ABCA1: variants seen among roughly 807,000 people sequenced by gnomAD.
The protein encoded by ABCA1 is phospholipid-transporting ATPase ABCA1.
A neutral mutation model predicts 262.5 loss-of-function variants in ABCA1; 133 were observed. The ratio of observed to expected loss-of-function variants is 0.51; its 90% CI spans 0.44 to 0.59. The LOEUF (loss-of-function observed/expected upper bound fraction) is 0.59. ABCA1 is among the 20% of genes least tolerant of loss of function. The pLI, the probability that ABCA1 is intolerant of heterozygous loss-of-function variation, is 0.00. For synonymous variants in ABCA1, 1,022 were observed against 1,043.5 expected, an observed-to-expected ratio of 0.98 and a Z score of 0.40; for missense variants, 2,452 against 2,777.5, an observed-to-expected ratio of 0.88 and a Z score of 2.63.
intron 1 of ABCA1, among the ~76,000 whole-genome samples, chr9:104,922,870 C>A (rs542824342): frequency 6.6e-6 from 1 of 152,112 alleles, no homozygotes; most frequent in African/African-American, 2.4e-5. Flanking sequence ...GCACCCACCA[C>A]CACGCCCAGC....
intron 2 of ABCA1, among the ~76,000 whole-genome samples, chr9:104,902,722 A>T (rs1840764589): frequency 6.6e-6 from 1 of 152,220 alleles, no homozygotes; most frequent in African/African-American, 2.4e-5. Flanking sequence ...TGCAAGCATT[A>T]TTCTAGTTTG....
chr9:104,895,851 T>C (rs1218744222), intron 2 of ABCA1, among the ~76,000 whole-genome samples: 1 of 152,150 alleles, frequency 6.6e-6, no homozygotes, highest in African/African-American at 2.4e-5. Context: ...TTAGCCACGT[T>C]AATTCAAGGT....
chr9:104,834,571 T>C (rs1410610728), intron 11 of ABCA1, among the ~76,000 whole-genome samples: 2 of 148,572 alleles, frequency 1.3e-5, no homozygotes, highest in African/African-American at 4.9e-5. Context: ...CTGAACAACA[T>C]GGCCAAAAAG....
chr9:104,874,943 G>GGAAGTGA (rs1228573287), intron 5 of ABCA1, among the ~76,000 whole-genome samples: 45 of 151,084 alleles, frequency 3.0e-4, no homozygotes, highest in African/African-American at 1.1e-3. Context: ...GCCCCTTCTG[G>GGAAGTGA]GAAGTGAGGA....
intron 5 of ABCA1, among the ~76,000 whole-genome samples, chr9:104,879,418 G>T (rs968762105): frequency 3.9e-5 from 6 of 152,180 alleles, no homozygotes; most frequent in African/African-American, 1.4e-4. Context: ...TCAAGTCTTT[G>T]TCCCACAGTT....
chr9:104,798,276 C>T, intron 37 of ABCA1, 145 bp downstream of exon 37: 1 of 951,946 alleles, frequency 1.1e-6, no homozygotes, highest in Non-Finnish European at 1.6e-6. Flanking sequence ...TGAAAGTGAT[C>T]ACCTGCCTCT....
intron 8 of ABCA1, among the ~76,000 whole-genome samples, chr9:104,843,204 C>A (rs1834542151): frequency 6.6e-6 from 1 of 152,208 alleles, no homozygotes; most frequent in Non-Finnish European, 1.5e-5. Context: ...TTCTGTCTCT[C>A]ACCCTATACG....
intron 12 of ABCA1, 21 bp downstream of exon 12, chr9:104,832,553 T>A (rs751160873): frequency 2.5e-6 from 4 of 1,613,992 alleles, no homozygotes; most frequent in Non-Finnish European, 3.4e-6. Flanking sequence ...CTTTTCTAAA[T>A]GATCCCAGCA....
chr9:104,786,706 A>G (rs961246023), intron 47 of ABCA1, among the ~76,000 whole-genome samples, 167 bp downstream of exon 47: 4 of 152,254 alleles, frequency 2.6e-5, no homozygotes, highest in African/African-American at 9.6e-5. Context: ...AAAGAGCAGT[A>G]TTTATACTGG....
At chr9:104,881,639 C>G (rs1481994250) in intron 5 of ABCA1, among the ~76,000 whole-genome samples, 1 of 152,194 alleles carries the variant, frequency 6.6e-6, no homozygotes, top group African/African-American at 2.4e-5. Context: ...TATGCTAGCA[C>G]TTTCCTCTGC....
intron 18 of ABCA1, 60 bp downstream of exon 18, chr9:104,824,405 A>T: frequency 1.2e-6 from 2 of 1,610,852 alleles, no homozygotes; most frequent in Non-Finnish European, 1.7e-6. Context: ...CTTGCCCCCA[A>T]CAGTTAGCAG....
At chr9:104,844,885 G>C (rs1447601559) in intron 8 of ABCA1, among the ~76,000 whole-genome samples, 4 of 152,210 alleles carry the variant, frequency 2.6e-5, no homozygotes, top group South Asian at 2.1e-4. Context: ...AACTGCTTTT[G>C]CAAGTGCCTA....
At chr9:104,790,887 C>T in intron 44 of ABCA1, 35 bp downstream of exon 44, 1 of 1,402,458 alleles carries the variant, frequency 7.1e-7, no homozygotes, top group Non-Finnish European at 1.0e-6. Context: ...AAAACAAAGT[C>T]TTTGCAGCAA....
intron 27 of ABCA1, 44 bp from the exon 28 acceptor site, chr9:104,812,766 T>C (rs1295020697): frequency 6.2e-7 from 1 of 1,612,742 alleles, no homozygotes. Context: ...TCTTAGGTGT[T>C]TTCGGCATTG....
chr9:104,800,739 T>A (rs1464615060), intron 34 of ABCA1, among the ~76,000 whole-genome samples, 155 bp from the exon 35 acceptor site: 1 of 152,154 alleles, frequency 6.6e-6, no homozygotes, highest in Admixed American at 6.6e-5. Context: ...AATAAACGGC[T>A]CCTGAGAACC....
chr9:104,892,999 A>G (rs1839883517), intron 2 of ABCA1, among the ~76,000 whole-genome samples: 1 of 152,262 alleles, frequency 6.6e-6, no homozygotes, highest in South Asian at 2.1e-4. Flanking sequence ...ATGTAATATT[A>G]AGTGAAAAAA....
chr9:104,921,364 T>C (rs371880475), intron 1 of ABCA1, among the ~76,000 whole-genome samples: 1 of 152,216 alleles, frequency 6.6e-6, no homozygotes, highest in African/African-American at 2.4e-5. Flanking sequence ...ATGAAGTTAC[T>C]GTTTTTTAAA....
Position 104,786,943 on chromosome 9 carries a change from G to T in ABCA1, c.6238C>A (p.Arg2080=), listed in dbSNP as rs780321144. 5 of 1,614,014 alleles carry T rather than the reference G, an allele frequency of 3.1e-6. No individual in the cohort carries two copies. The highest frequency in any genetic ancestry group is 4.2e-6 in the Non-Finnish European group (5 of 1,179,972). ...EPTTGMDPKA[R]RFLWNCALSV... ...AGGGCACAATTCCACAAGAACCGCC[G>T]GGCTTTGGGATCCATGCCTGTGGTG... Residue 2080 remains arginine (R), a synonymous_variant, in exon 47 of 50, where the codon CGG becomes AGG. Coordinates refer to ENST00000374736, the MANE Select transcript of ABCA1 (RefSeq NM_005502.4).
chr9:104,823,742 G>A (rs1379628575), intron 18 of ABCA1, among the ~76,000 whole-genome samples: 4 of 152,108 alleles, frequency 2.6e-5, no homozygotes, highest in Non-Finnish European at 5.9e-5. Context: ...ATATTCCAGC[G>A]ACTGTGAGCA....
Sources: gnomAD v4.1 joint callset for allele counts (sites outside exome capture counted in the v4.1 genomes callset) on GRCh38, gnomAD v4.1.1 for gene constraint, MANE v1.5 for transcripts, NCBI Gene and HGNC (gene_info 2026-07-23, HGNC 2026-07-21) for gene names.